The following NOL8 variants were observed in gnomAD, a reference collection of about 807,000 sequenced individuals.
NOL8 encodes the protein nucleolar protein 8.
NOL8 carries 93 observed loss-of-function variants against 116.1 expected under a neutral mutation model. That is an observed-to-expected ratio of 0.80 (90% CI 0.68 to 0.95). The LOEUF (loss-of-function observed/expected upper bound fraction) is 0.95. Among genes scored for constraint, NOL8 ranks in the 40% least tolerant of loss-of-function variants. The probability of loss-of-function intolerance (pLI) is 0.00; values close to 1 mark genes in which losing one functional copy is unlikely to be tolerated. For synonymous variants in NOL8, 419 were observed against 469.0 expected, an observed-to-expected ratio of 0.89 and a Z score of 1.38; for missense variants, 1,291 against 1,382.8, an observed-to-expected ratio of 0.93 and a Z score of 1.05.
At chr9:92,311,809 TAAAAC>T (rs1045935793) in intron 7 of NOL8, among the ~76,000 whole-genome samples, 18 of 152,182 alleles carry the variant, frequency 1.2e-4, no homozygotes, top group African/African-American at 3.6e-4. Flanking sequence ...TCAAAGAACT[TAAAAC>T]AAAACTATCA....
At chr9:92,319,842 T>C (rs911028817) in intron 4 of NOL8, 2 of 352,636 alleles carry the variant, frequency 5.7e-6, no homozygotes, top group African/African-American at 4.3e-5. Context: ...AGTGACAAGC[T>C]GTGCTGTCAG....
At position 92,314,346 on chromosome 9, in the gene NOL8, T is replaced by C. The variant is rs1839151263; in HGVS notation, c.2279A>G (p.Lys760Arg). ...CCTCGCTTCCAAGGCTGCCAAACGC[T>C]TCTCATTGTCTTCAGCATGCTTATC... ...AKDKHAEDNE[K>R]RLAALEARQK... Residue 760 changes from lysine to arginine, a missense_variant, in exon 7 of 17, where the codon AAG becomes AGG. Lys to Arg is a conservative substitution (Grantham distance 26). Coordinates refer to ENST00000442668, the MANE Select transcript of NOL8 (RefSeq NM_017948.6). The C allele has an allele frequency of 6.2e-7, 1 of 1,612,160 alleles. No individual in the cohort carries two copies. The highest frequency in any genetic ancestry group is 1.3e-5 in the African/African-American group (1 of 75,032).
intron 13 of NOL8, chr9:92,300,734 T>C: frequency 3.4e-6 from 4 of 1,180,514 alleles, no homozygotes; most frequent in Non-Finnish European, 4.3e-6. Flanking sequence ...CCTTTTAAAG[T>C]ACCACGGAGT....
At position 92,321,688 on chromosome 9, in the gene NOL8, T is replaced by C; in HGVS notation, c.261A>G (p.Ala87=). The C allele has an allele frequency of 6.5e-7, 1 of 1,534,188 alleles. No homozygotes were observed. The highest frequency in any genetic ancestry group is 8.8e-7 in the Non-Finnish European group (1 of 1,141,860). The stretch of plus-strand genomic sequence containing the variant: ...CTTACCTGTGCAGAAAGCTTTCTTT[T>C]GCTAGTTGAATTTGTAATGTTCCAC... ...WKGGTLQIQL[A]KESFLHRLAQ... The change falls in exon 4 of 17, where the codon GCA becomes GCG. Residue 87 remains alanine (A), a synonymous_variant. Transcript: ENST00000442668.
Position 92,303,913 on chromosome 9 carries a change from AAAC to A in NOL8, c.2903+1837_2903+1839del, listed in dbSNP as rs563724121. Among the ~76,000 whole-genome samples, 39 of 152,350 alleles carry A rather than the reference AAAC, an allele frequency of 2.6e-4. No individual in the cohort carries two copies. In the East Asian group the frequency reaches 6.9e-3, roughly 27 times the overall value. ...TTTCAGTAGAAGCCCAGGGTTAAAA[AAAC>A]AACAAAAAAGGCTTATCTCAAAATG... On this transcript the variant is annotated intron_variant, in intron 12 of 16. Transcript: ENST00000442668.
rs745928872 is a variant in NOL8, at chr9:92,318,033, C to CAAAAAA, written c.486+579_486+584dup. On this transcript the variant is annotated intron_variant, in intron 6 of 16. Coordinates refer to ENST00000442668, the MANE Select transcript of NOL8 (RefSeq NM_017948.6). Reference sequence around the variant, plus strand: ...CTGGGGACAGAGCAAGACTCCATCTCAAAAAAAAAAAAAAAAAAAAAAAAA... The same window carrying CAAAAAA: ...CTGGGGACAGAGCAAGACTCCATCTCAAAAAAAAAAAAAAAAAAAAAAAAAAAAAAA... 1.0e-3 allele frequency among the ~76,000 whole-genome samples: 36 copies of CAAAAAA among 34,554 alleles called. 1 individual carries two copies. Among genetic ancestry groups the CAAAAAA allele is most frequent in the African/African-American group, 3.1e-3 (27 of 8,634 alleles). The allele number at this position is 34,554 out of a possible 152,430, so 22.7% of individuals were successfully genotyped here.
Position 92,310,548 on chromosome 9 carries a change from C to T in NOL8, c.2595+5G>A. 2 of 1,592,376 alleles carry T rather than the reference C, an allele frequency of 1.3e-6. No homozygotes were observed. Among genetic ancestry groups the T allele is most frequent in the African/African-American group, 2.7e-5 (2 of 73,800 alleles). ...CAAGTCTAATTATTTTCAGTCTTCA[C>T]TAACCTTCTGTCCAGCTCTGCCCTC... On this transcript the variant is annotated splice_donor_5th_base_variant and intron_variant, in intron 9 of 16. Coordinates refer to ENST00000442668, the MANE Select transcript of NOL8 (RefSeq NM_017948.6).
At chr9:92,324,416 C>CA in intron 1 of NOL8, 1 of 403,966 alleles carries the variant, frequency 2.5e-6, no homozygotes, top group Non-Finnish European at 4.5e-6. Flanking sequence ...ACCCCATACC[C>CA]ATATAGACAC....
chr9:92,319,035 A>T (rs1839680501), intron 5 of NOL8, 186 bp downstream of exon 5: 1 of 574,876 alleles, frequency 1.7e-6, no homozygotes, highest in Admixed American at 3.8e-5. Flanking sequence ...CTGTAAAATG[A>T]TGGAGAACTA....
At chr9:92,323,541 T>G (rs1300479575) in intron 2 of NOL8, 38 bp from the exon 3 acceptor site, 7 of 1,532,622 alleles carry the variant, frequency 4.6e-6, no homozygotes, top group South Asian at 2.4e-5. Flanking sequence ...AACAATTTAT[T>G]TAAATTCTTA....
intron 7 of NOL8, among the ~76,000 whole-genome samples, 172 bp downstream of exon 7, chr9:92,314,095 A>C (rs1240718416): frequency 6.6e-6 from 1 of 152,224 alleles, no homozygotes; most frequent in African/African-American, 2.4e-5. Flanking sequence ...ATGAAAGAAA[A>C]TTATAAAGAA....
chr9:92,315,136 T>C lies in NOL8; in HGVS notation c.1489A>G (p.Ser497Gly), dbSNP rs1267116232. 2.5e-6 allele frequency: 4 copies of C among 1,613,898 alleles called. No individual in the cohort carries two copies. Among genetic ancestry groups the C allele is most frequent in the African/African-American group, 1.3e-5 (1 of 74,932 alleles). The change falls in exon 7 of 17, where the codon AGT (serine) becomes GGT (glycine). Residue 497 changes from serine (S) to glycine (G), a missense_variant. Ser to Gly is a moderately conservative substitution (Grantham distance 56). Transcript: ENST00000442668. ...TCTTCATTTGGAACCTTCAGATCAC[T>C]GCCAGCCAATTGTTCCAAATCAGCT... ...TLADLEQLAG[S>G]DLKVPNEDTK...
chr9:92,311,181 G>A lies in NOL8; in HGVS notation c.2437C>T (p.Gln813Ter). ...TCCTCTCCTGGATGGCTCTGCTCCT[G>A]AGTCGATGTCTCCTCTGTTTCACAT... ...SECETEETST[Q>*]EQSHPGEEWV... Residue 813 changes from glutamine (Q) to a stop codon, truncating the protein, a stop_gained, in exon 8 of 17, where the codon CAG becomes TAG. Transcript: ENST00000442668. LOFTEE classifies it high-confidence loss of function. 1 of 1,613,770 alleles carries A rather than the reference G, an allele frequency of 6.2e-7. No individual in the cohort carries two copies. The highest frequency in any genetic ancestry group is 8.5e-7 in the Non-Finnish European group (1 of 1,179,780).
intron 15 of NOL8, 37 bp from the exon 16 acceptor site, chr9:92,298,373 C>A: frequency 7.5e-7 from 1 of 1,326,484 alleles, no homozygotes; most frequent in Non-Finnish European, 1.1e-6. Context: ...AGGCAGCAAA[C>A]TACTACTAAA....
chr9:92,320,867 A>T (rs1839867095), intron 4 of NOL8, among the ~76,000 whole-genome samples: 1 of 152,198 alleles, frequency 6.6e-6, no homozygotes, highest in Non-Finnish European at 1.5e-5. Flanking sequence ...TCGGCCTCCC[A>T]AAGTGCTGGG....
chr9:92,306,110 C>T (rs1285036567), intron 11 of NOL8, among the ~76,000 whole-genome samples: 1 of 152,208 alleles, frequency 6.6e-6, no homozygotes, highest in South Asian at 2.1e-4. Context: ...TCTCCTGCCT[C>T]AGCCTCCCAA....
chr9:92,323,598 A>T, intron 2 of NOL8, 95 bp from the exon 3 acceptor site: 1 of 971,154 alleles, frequency 1.0e-6, no homozygotes, highest in Non-Finnish European at 1.5e-6. Context: ...AAAAAAAAAA[A>T]TAGCTCTTGA....
rs748080846 is a variant in NOL8 at position 92,310,255 on chromosome 9, C to T, written c.2602G>A (p.Asp868Asn). 2 of 1,605,738 alleles carry T rather than the reference C, an allele frequency of 1.2e-6. No homozygotes were observed. The highest frequency in any genetic ancestry group is 8.5e-7 in the Non-Finnish European group (1 of 1,176,006). The change falls in exon 10 of 17, where the codon GAT (aspartate) becomes AAT (asparagine). Residue 868 changes from aspartate (D) to asparagine (N), a missense_variant. Physicochemically the swap from Asp to Asn is conservative, Grantham distance 23. Transcript: ENST00000442668. ...TCGGTGCCAAAGTGCGACTGTAAAT[C>T]CATGAGCTACACAGACAGAAAACAT... ...FEGRAGQKLMDLQSHFGTDDR... is the reference protein window; with the variant it reads ...FEGRAGQKLMNLQSHFGTDDR...
rs775040936 is a variant in NOL8 at position 92,314,464 on chromosome 9, TGA to T, written c.2159_2160del (p.Leu720GlnfsTer17). On this transcript the variant is annotated frameshift_variant, in exon 7 of 17. Transcript: ENST00000442668. LOFTEE classifies it high-confidence loss of function. ...TTGGATGAGACCTTTGGTGATTTCT[TGA>T]GAGATGTGAGGCCGCTTGAATCAGA... Reference protein sequence around the residue: ...ERSDSSGLTSLKKSPKVSSKD... With the variant: ...ERSDSSGLTSXKKSPKVSSKD... The T allele has an allele frequency of 2.5e-5, 41 of 1,612,614 alleles. No homozygotes were observed. The East Asian group carries it at 3.8e-4, about 15-fold the overall frequency.
Sources: allele counts gnomAD v4.1 joint callset (sites outside exome capture counted in the v4.1 genomes callset), GRCh38; gene constraint gnomAD v4.1.1; transcripts MANE v1.5; gene names NCBI Gene and HGNC (gene_info 2026-07-23, HGNC 2026-07-21).